CLDN10: variants seen among roughly 807,000 people sequenced by gnomAD.
The protein encoded by CLDN10 is claudin-10.
In CLDN10, 15 loss-of-function variants were observed where a neutral mutation model predicts 22.9. The observed-to-expected ratio is 0.65, with a 90% CI of 0.44 to 1.01. CLDN10 has a LOEUF of 1.01. CLDN10 is among the 50% of genes least tolerant of loss of function. The pLI, the probability that CLDN10 is intolerant of heterozygous loss-of-function variation, is 0.00. For synonymous variants in CLDN10, 114 were observed against 111.4 expected (o/e 1.02, Z -0.15); for missense variants, 247 against 287.8 (o/e 0.86, Z 1.03).
chr13:95,478,640 G>A (rs1388474493), intron 1 of CLDN10, among the ~76,000 whole-genome samples: 1 of 152,140 alleles, frequency 6.6e-6, no homozygotes, highest in Non-Finnish European at 1.5e-5. Flanking sequence ...TGGCTTCCTG[G>A]GCCACGTTCC....
chr13:95,439,912 ATTAACCCTTTT>A (rs749031113), intron 1 of CLDN10, among the ~76,000 whole-genome samples: 2 of 139,210 alleles, frequency 1.4e-5, no homozygotes, highest in African/African-American at 2.6e-5. Context: ...CCTCCAAAAT[ATTAACCCTTTT>A]TTTTTTTTGA....
At chr13:95,479,095 A>G (rs2042714964) in intron 1 of CLDN10, among the ~76,000 whole-genome samples, 1 of 152,226 alleles carries the variant, frequency 6.6e-6, no homozygotes, top group Non-Finnish European at 1.5e-5. Flanking sequence ...TCATGCCTGT[A>G]ATCCCAGCAC....
intron 1 of CLDN10, among the ~76,000 whole-genome samples, chr13:95,475,814 GTCCCTCTCTCTCCCTCTT>G (rs1387941349): frequency 2.0e-5 from 3 of 150,734 alleles, no homozygotes; most frequent in African/African-American, 4.9e-5. Flanking sequence ...GTCTCTCTCT[GTCCCTCTCTCTCCCTCTT>G]TCCCTCTCTC....
chr13:95,554,417 G>A (rs2043607962), intron 1 of CLDN10, among the ~76,000 whole-genome samples: 1 of 152,132 alleles, frequency 6.6e-6, no homozygotes, highest in African/African-American at 2.4e-5. Flanking sequence ...GGAAATGAAT[G>A]CTCTATGAAT....
chr13:95,471,924 T>A (rs951412578), intron 1 of CLDN10, among the ~76,000 whole-genome samples: 5 of 145,762 alleles, frequency 3.4e-5, no homozygotes, highest in Non-Finnish European at 7.4e-5. Context: ...ACAAGGCGCA[T>A]GCCACCACAC....
intron 1 of CLDN10, among the ~76,000 whole-genome samples, chr13:95,555,136 C>T (rs1264181872): frequency 3.3e-5 from 5 of 150,174 alleles, no homozygotes; most frequent in African/African-American, 4.9e-5. Flanking sequence ...CTGCAACCTC[C>T]GCCTCCCAGG....
intron 1 of CLDN10, among the ~76,000 whole-genome samples, chr13:95,532,902 T>G (rs1027508971): frequency 1.2e-4 from 18 of 151,790 alleles, no homozygotes; most frequent in African/African-American, 4.4e-4. Flanking sequence ...TACATGCTGT[T>G]TGATTGTATC....
At chr13:95,538,287 AC>A (rs2043422870) in intron 1 of CLDN10, among the ~76,000 whole-genome samples, 1 of 140,718 alleles carries the variant, frequency 7.1e-6, no homozygotes, top group South Asian at 2.3e-4. Flanking sequence ...ACAGGCGCCC[AC>A]CACCACGCCT....
intron 1 of CLDN10, among the ~76,000 whole-genome samples, chr13:95,516,978 CCTTCCTTCCT>C (rs2043174099): frequency 1.4e-4 from 1 of 7,374 alleles, no homozygotes; most frequent in African/African-American, 2.9e-4. Context: ...CTCCTTCCTT[CCTTCCTTCCT>C]TCCTTCCTTC....
At chr13:95,450,192 T>C (rs1339283548) in intron 1 of CLDN10, among the ~76,000 whole-genome samples, 1 of 152,226 alleles carries the variant, frequency 6.6e-6, no homozygotes, top group Non-Finnish European at 1.5e-5. Context: ...TCAGTTTTCT[T>C]ATCTGTAAAA....
chr13:95,439,847 T>G (rs1012530987), intron 1 of CLDN10, among the ~76,000 whole-genome samples: 18 of 151,826 alleles, frequency 1.2e-4, no homozygotes, highest in Non-Finnish European at 4.4e-5. Context: ...ACAACAATAA[T>G]GAATAAATGA....
At chr13:95,437,258 C>T (rs191909209) in intron 1 of CLDN10, among the ~76,000 whole-genome samples, 1 of 152,160 alleles carries the variant, frequency 6.6e-6, no homozygotes, top group Admixed American at 6.5e-5. Context: ...ACAGAGGCCA[C>T]CTTCAACTGT....
At chr13:95,525,666 A>G (rs1219175857) in intron 1 of CLDN10, among the ~76,000 whole-genome samples, 2 of 151,768 alleles carry the variant, frequency 1.3e-5, no homozygotes. Context: ...TGATTTTTGT[A>G]TTTTTAGTAG....
At chr13:95,525,277 G>A (rs1009052112) in intron 1 of CLDN10, among the ~76,000 whole-genome samples, 48 of 151,890 alleles carry the variant, frequency 3.2e-4, no homozygotes, top group Admixed American at 1.5e-3. Context: ...ATGTTTATTG[G>A]CTATTTACAT....
chr13:95,573,509 C>T (rs1361398994), intron 3 of CLDN10, among the ~76,000 whole-genome samples: 1 of 152,164 alleles, frequency 6.6e-6, no homozygotes, highest in Non-Finnish European at 1.5e-5. Context: ...GATAATCTTA[C>T]CAAGGTGTTG....
intron 1 of CLDN10, among the ~76,000 whole-genome samples, chr13:95,475,331 G>C (rs2042675630): frequency 6.6e-6 from 1 of 152,200 alleles, no homozygotes; most frequent in African/African-American, 2.4e-5. Context: ...GGGAGCACCT[G>C]GTCCCCAGAG....
chr13:95,483,375 T>G (rs1002406063), intron 1 of CLDN10, among the ~76,000 whole-genome samples: 1 of 152,198 alleles, frequency 6.6e-6, no homozygotes, highest in African/African-American at 2.4e-5. Flanking sequence ...TCTTTCTTTT[T>G]TATTAAAATT....
rs146767509 is a variant in CLDN10 at position 95,434,332 on chromosome 13, T to C, written c.214+285T>C. ...TGACTGGATTGTTTTAAAAGTCAGT[T>C]TCAATTTGCCTTGAGTCATGGAGGA... On this transcript the variant is annotated intron_variant, in intron 1 of 4. Transcript: ENST00000376873. 4.4e-3 allele frequency among the ~76,000 whole-genome samples: 671 copies of C among 152,186 alleles called. 6 individuals are homozygous for C. The highest frequency in any genetic ancestry group is 0.015 in the African/African-American group (621 of 41,520).
At chr13:95,497,552 G>C (rs944926120) in intron 1 of CLDN10, among the ~76,000 whole-genome samples, 1 of 152,216 alleles carries the variant, frequency 6.6e-6, no homozygotes, top group Non-Finnish European at 1.5e-5. Context: ...GCTTTGTGCA[G>C]ATAGATTTGG....
Sources: gnomAD v4.1 joint callset for allele counts (sites outside exome capture counted in the v4.1 genomes callset) on GRCh38, gnomAD v4.1.1 for gene constraint, MANE v1.5 for transcripts, NCBI Gene and HGNC (gene_info 2026-07-23, HGNC 2026-07-21) for gene names.